EXT2: variants seen among roughly 807,000 people sequenced by gnomAD.
EXT2 encodes exostosin glycosyltransferase 2, also known as exostosin-2.
In EXT2, 53 loss-of-function variants were observed where a neutral mutation model predicts 81.6. That is an observed-to-expected ratio of 0.65 (90% CI 0.52 to 0.82). EXT2 has a LOEUF of 0.82. EXT2 is among the 40% of genes least tolerant of loss of function. EXT2 has a pLI of 0.00. For missense variants in EXT2, 774 were observed against 910.2 expected (o/e 0.85, Z 1.93); for synonymous variants, 320 against 340.0 (o/e 0.94, Z 0.65).
chr11:44,196,999 G>A (rs1437604865), intron 8 of EXT2, among the ~76,000 whole-genome samples: 2 of 152,186 alleles, frequency 1.3e-5, no homozygotes, highest in Non-Finnish European at 2.9e-5. Flanking sequence ...TTGGGGTGCC[G>A]AGCTAACCAC....
intron 13 of EXT2, among the ~76,000 whole-genome samples, chr11:44,239,726 A>G (rs2135275125): frequency 1.7e-5 from 2 of 115,766 alleles, no homozygotes; most frequent in African/African-American, 3.4e-5. Flanking sequence ...GGAAGACCAG[A>G]GTTTTATTAT....
At chr11:44,216,227 G>A (rs1408686368) in intron 10 of EXT2, among the ~76,000 whole-genome samples, 1 of 152,190 alleles carries the variant, frequency 6.6e-6, no homozygotes, top group Non-Finnish European at 1.5e-5. Context: ...AGCATTTAGA[G>A]TGGTTTTACT....
intron 1 of EXT2, among the ~76,000 whole-genome samples, chr11:44,101,079 C>A (rs1241189395): frequency 6.6e-6 from 1 of 151,702 alleles, no homozygotes; most frequent in African/African-American, 2.4e-5. Context: ...TAATATGGAC[C>A]AGCAGAAACT....
chr11:44,124,687 G>A (rs987286054), intron 4 of EXT2, 102 bp from the exon 5 acceptor site: 49 of 902,546 alleles, frequency 5.4e-5, no homozygotes, highest in Non-Finnish European at 7.1e-5. Flanking sequence ...GTGAAGACTG[G>A]TAAGGAAACA....
intron 10 of EXT2, among the ~76,000 whole-genome samples, chr11:44,228,643 C>T (rs753563663): frequency 3.3e-5 from 5 of 152,244 alleles, no homozygotes; most frequent in Non-Finnish European, 5.9e-5. Context: ...TGAGAGGCCC[C>T]GCATGAGGAA....
intron 10 of EXT2, among the ~76,000 whole-genome samples, chr11:44,227,075 A>C (rs1955845488): frequency 6.6e-6 from 1 of 152,174 alleles, no homozygotes; most frequent in Admixed American, 6.5e-5. Context: ...GCCACTTCAG[A>C]GTGGCTTTTC....
At chr11:44,150,902 A>G (rs146190207) in intron 7 of EXT2, among the ~76,000 whole-genome samples, 424 of 152,324 alleles carry the variant, frequency 2.8e-3, no homozygotes, top group Non-Finnish European at 4.9e-3. Flanking sequence ...GCCAACCATC[A>G]GAGAGTTTTT....
intron 4 of EXT2, among the ~76,000 whole-genome samples, chr11:44,122,799 A>C (rs531474035): frequency 2.0e-5 from 3 of 152,348 alleles, no homozygotes; most frequent in African/African-American, 7.2e-5. Flanking sequence ...GACGTGGTCA[A>C]CGTTTGTGCT....
At chr11:44,096,857 T>G (rs560685160) in intron 1 of EXT2, among the ~76,000 whole-genome samples, 1 of 152,364 alleles carries the variant, frequency 6.6e-6, no homozygotes, top group Non-Finnish European at 1.5e-5. Context: ...AAGTCTTAAC[T>G]TCTTGTAAGT....
chr11:44,172,585 T>A (rs1217414193), intron 8 of EXT2, among the ~76,000 whole-genome samples: 1 of 7,474 alleles, frequency 1.3e-4, no homozygotes, highest in Non-Finnish European at 1.7e-3. Context: ...TACCTTTTCT[T>A]TTTTTTTTTT....
intron 13 of EXT2, among the ~76,000 whole-genome samples, chr11:44,239,334 A>C (rs1564989611): frequency 6.6e-6 from 1 of 151,488 alleles, no homozygotes; most frequent in Non-Finnish European, 1.5e-5. Context: ...GATGTTAATC[A>C]GGGGTGAAGT....
At chr11:44,171,961 T>C in intron 8 of EXT2, 2 of 609,874 alleles carry the variant, frequency 3.3e-6, no homozygotes, top group Non-Finnish European at 2.9e-6. Context: ...TTTAAGTGCT[T>C]AGAAAGACTG....
intron 7 of EXT2, among the ~76,000 whole-genome samples, chr11:44,169,444 G>A (rs950441355): frequency 7.2e-5 from 11 of 151,816 alleles, no homozygotes; most frequent in Admixed American, 5.2e-4. Flanking sequence ...TAAATAACTA[G>A]CAACCTAACG....
At chr11:44,170,413 TAAAAGCA>T (rs1213922469) in intron 7 of EXT2, among the ~76,000 whole-genome samples, 1 of 151,984 alleles carries the variant, frequency 6.6e-6, no homozygotes, top group East Asian at 1.9e-4. Flanking sequence ...TTTAGGAAGT[TAAAAGCA>T]AAATTAATTA....
intron 7 of EXT2, among the ~76,000 whole-genome samples, chr11:44,133,075 C>A (rs1954517185): frequency 6.6e-6 from 1 of 152,184 alleles, no homozygotes; most frequent in South Asian, 2.1e-4. Context: ...ACATTGCTTG[C>A]CAATTGTCCC....
chr11:44,142,874 G>A (rs774263100), intron 7 of EXT2, among the ~76,000 whole-genome samples: 8 of 152,248 alleles, frequency 5.3e-5, no homozygotes, highest in East Asian at 3.9e-4. Context: ...GATTCCTCCC[G>A]AATCTCTTTG....
Position 44,247,501 on chromosome 11 carries a change from C to T in EXT2, c.*3214C>T, listed in dbSNP as rs60009364. Among the ~76,000 whole-genome samples the T allele has an allele frequency of 0.093, 14,110 of 152,270 alleles. 754 individuals carry two copies. Among genetic ancestry groups the T allele is most frequent in the Middle Eastern group, 0.16 (48 of 294 alleles). ...TCCTGACCTCAGGTGATCTGCACGC[C>T]TTGACCTCCCAAAGTGCTGGGATTA... is the stretch of plus-strand genomic sequence containing the variant. On this transcript the variant is annotated 3_prime_UTR_variant, in exon 14 of 14. Transcript: ENST00000533608.
chr11:44,112,456 CAG>C (rs1183789683), intron 3 of EXT2, among the ~76,000 whole-genome samples: 1 of 152,182 alleles, frequency 6.6e-6, no homozygotes, highest in East Asian at 1.9e-4. Flanking sequence ...AATGGGAAAA[CAG>C]AATGTGCTGT....
rs934139305 is a variant in EXT2 at position 44,248,763 on chromosome 11, G to A, written c.*4476G>A. ...AGCTTCCCCAATTTCCTGGGAGGGT[G>A]TGTGGGTCTGTACAGGCAACCTTGT... On this transcript the variant is annotated 3_prime_UTR_variant, in exon 14 of 14. Coordinates refer to ENST00000533608, the MANE Select transcript of EXT2 (RefSeq NM_207122.2). Among the ~76,000 whole-genome samples, 3 of 152,160 alleles carry A rather than the reference G, an allele frequency of 2.0e-5. No individual in the cohort carries two copies. The highest frequency in any genetic ancestry group is 4.4e-5 in the Non-Finnish European group (3 of 68,024).
Sources: gnomAD v4.1 joint callset for allele counts (sites outside exome capture counted in the v4.1 genomes callset) on GRCh38, gnomAD v4.1.1 for gene constraint, MANE v1.5 for transcripts, NCBI Gene and HGNC (gene_info 2026-07-23, HGNC 2026-07-21) for gene names.